The following SETD9 variants were observed in gnomAD, a reference collection of about 807,000 sequenced individuals.
SETD9 encodes the protein SET domain-containing protein 9.
Under a neutral mutation model 36.4 loss-of-function variants are expected in SETD9, and 37 were observed. The ratio of observed to expected loss-of-function variants is 1.02; its 90% CI spans 0.78 to 1.34. The LOEUF is 1.34. SETD9 is among the 40% of genes most tolerant of loss of function. SETD9 has a pLI of 0.00. For synonymous variants in SETD9, 128 were observed against 132.9 expected (o/e 0.96, Z 0.26); for missense variants, 323 against 353.2 (o/e 0.91, Z 0.69).
chr5:56,913,448 G>A (rs33317), intron 3 of SETD9, among the ~76,000 whole-genome samples: 92,977 of 150,720 alleles, frequency 0.62, 30,211 homozygotes, highest in Non-Finnish European at 0.74. Context: ...CAACAGTGCG[G>A]TCTCTGCTCA....
intron 5 of SETD9, chr5:56,923,587 TA>T (rs771292381): frequency 6.2e-7 from 1 of 1,611,574 alleles, no homozygotes; most frequent in Non-Finnish European, 8.5e-7. Context: ...TGGTCAAAGC[TA>T]AAAAGGAATG....
chr5:56,910,075 C>G (rs1046317968), intron 1 of SETD9: 5 of 1,268,142 alleles, frequency 3.9e-6, no homozygotes, highest in Non-Finnish European at 5.0e-6. Context: ...GCCGAGCTCG[C>G]CAGCCGGATG....
intron 1 of SETD9, 24 bp downstream of exon 1, chr5:56,909,767 G>A (rs777666202): frequency 1.3e-6 from 2 of 1,596,194 alleles, no homozygotes; most frequent in Non-Finnish European, 1.7e-6. Flanking sequence ...ACGGCAGAAC[G>A]AGGGGCACCT....
At chr5:56,910,175 C>T (rs1749038529) in intron 1 of SETD9, 1 of 1,235,512 alleles carries the variant, frequency 8.1e-7, no homozygotes, top group African/African-American at 1.6e-5. Context: ...ACTGCCCTTA[C>T]CGCGTGAGAG....
chr5:56,913,974 A>G lies in SETD9; in HGVS notation c.691A>G (p.Asn231Asp). 6.2e-7 allele frequency: 1 copy of G among 1,612,592 alleles called. No individual in the cohort carries two copies. Among genetic ancestry groups the G allele is most frequent in the Non-Finnish European group, 8.5e-7 (1 of 1,178,598 alleles). ...CCCTCTGGCTGTGGGACAGTATGTC[A>G]ACAATTGTTCCAATGGTAAGAAGGC... ...HNPLAVGQYV[N>D]NCSNDRAANV... Residue 231 changes from asparagine (N) to aspartate (D), a missense_variant, in exon 4 of 6, where the codon AAC (asparagine) becomes GAC (aspartate). By Grantham distance (23) the Asn-to-Asp change is conservative. Transcript: ENST00000285947.
intron 5 of SETD9, chr5:56,924,159 T>C (rs1222867131): frequency 3.1e-6 from 3 of 956,070 alleles, no homozygotes; most frequent in Non-Finnish European, 4.6e-6. Flanking sequence ...CATTATATAG[T>C]TCTGAACACT....
chr5:56,917,340 A>G lies in SETD9; in HGVS notation c.*438A>G. On this transcript the variant is annotated 3_prime_UTR_variant, in exon 6 of 6. Transcript: ENST00000285947. ...AGTAAAAAATACCTATTGTGTTGCC[A>G]TGAGTAAATTGGTGTGTCTATGTAT... 1 of 984,748 alleles carries G rather than the reference A, an allele frequency of 1.0e-6. No homozygotes were observed. The highest frequency in any genetic ancestry group is 1.2e-6 in the Non-Finnish European group (1 of 828,900). 61.0% of individuals were successfully genotyped at this position (984,748 alleles called of 1,614,324 possible). A position where few individuals can be genotyped will look rare whatever the true frequency, so the allele number is the denominator to read the frequency against.
At chr5:56,909,530 A>G (rs185220), upstream of SETD9, 562,567 of 691,760 alleles carry the variant, frequency 0.81, 230,436 homozygotes, top group Non-Finnish European at 0.84. Context: ...GAACACTGAG[A>G]GCGGAGCCAG....
downstream of SETD9, among the ~76,000 whole-genome samples, chr5:56,926,119 A>T (rs1749968326): frequency 6.6e-6 from 1 of 152,150 alleles, no homozygotes; most frequent in Non-Finnish European, 1.5e-5. Context: ...TATAGACCTA[A>T]ATGTAAATGC....
At chr5:56,910,112 C>T (rs1431205774) in intron 1 of SETD9, 2 of 1,241,812 alleles carry the variant, frequency 1.6e-6, no homozygotes, top group East Asian at 4.9e-5. Flanking sequence ...CTGTTGCGTT[C>T]GGCACTGACT....
At chr5:56,917,444 C>A, downstream of SETD9, 3 of 532,876 alleles carry the variant, frequency 5.6e-6, no homozygotes, top group Non-Finnish European at 7.2e-6. Flanking sequence ...TGAACATTTT[C>A]ACACCAAAGA....
downstream of SETD9, chr5:56,928,710 T>A: frequency 1.6e-6 from 2 of 1,215,250 alleles, no homozygotes; most frequent in Non-Finnish European, 2.4e-6. Context: ...ACTTATAAAT[T>A]AGTTGCTTAC....
downstream of SETD9, chr5:56,928,452 T>C (rs2112090056): frequency 5.6e-6 from 1 of 179,764 alleles, no homozygotes; most frequent in Middle Eastern, 2.4e-3. Flanking sequence ...AGAAATTATT[T>C]TGAGGCCACA....
chr5:56,909,997 C>A (rs1579804568), intron 1 of SETD9: 1 of 1,317,846 alleles, frequency 7.6e-7, no homozygotes, highest in Non-Finnish European at 9.9e-7. Context: ...CTGAAGTGGG[C>A]GGTGGCTTCA....
At chr5:56,924,131 C>T in intron 5 of SETD9, 1 of 1,276,882 alleles carries the variant, frequency 7.8e-7, no homozygotes, top group Non-Finnish European at 1.1e-6. Context: ...CAACTTCAAT[C>T]CATGGGTCTT....
chr5:56,911,109 C>T (rs1749094511), intron 1 of SETD9, 60 bp from the exon 2 acceptor site: 10 of 1,488,122 alleles, frequency 6.7e-6, no homozygotes, highest in Admixed American at 5.0e-5. Flanking sequence ...AGAAGTTATG[C>T]AGGTAAGTTT....
upstream of SETD9, chr5:56,909,511 C>T (rs538205215): frequency 4.8e-4 from 285 of 589,706 alleles, no homozygotes; most frequent in African/African-American, 5.1e-3. Flanking sequence ...AGAAGTCAGG[C>T]GGTGCCAGGA....
downstream of SETD9, among the ~76,000 whole-genome samples, chr5:56,917,508 G>A (rs908109446): frequency 3.3e-5 from 5 of 152,156 alleles, no homozygotes; most frequent in South Asian, 2.1e-4. Flanking sequence ...CTTATTCCCC[G>A]TGTCTCATGT....
chr5:56,914,201 T>G (rs1749307965), intron 4 of SETD9, among the ~76,000 whole-genome samples: 1 of 152,224 alleles, frequency 6.6e-6, no homozygotes, highest in Admixed American at 6.5e-5. Context: ...ACTATTTTTC[T>G]TCTGATTTTG....
Sources: allele counts gnomAD v4.1 joint callset (sites outside exome capture counted in the v4.1 genomes callset), GRCh38; gene constraint gnomAD v4.1.1; transcripts MANE v1.5; gene names NCBI Gene and HGNC (gene_info 2026-07-23, HGNC 2026-07-21).